The following C6orf89 variants were observed in gnomAD, a reference collection of about 807,000 sequenced individuals.
C6orf89 encodes chromosome 6 open reading frame 89, also known as bombesin receptor-activated protein C6orf89.
C6orf89 carries 29 observed loss-of-function variants against 40.7 expected under a neutral mutation model. The observed-to-expected ratio is 0.71, with a 90% CI of 0.53 to 0.97. C6orf89 has a LOEUF of 0.97. Among genes scored for constraint, C6orf89 ranks in the 50% least tolerant of loss-of-function variants. The probability of loss-of-function intolerance (pLI) is 0.00; values close to 1 mark genes in which losing one functional copy is unlikely to be tolerated. For missense variants in C6orf89, 392 were observed against 429.1 expected (o/e 0.91, Z 0.76); for synonymous variants, 165 against 152.2 (o/e 1.08, Z -0.62).
intron 4 of C6orf89, among the ~76,000 whole-genome samples, chr6:36,905,386 T>G (rs1417868980): frequency 6.6e-6 from 1 of 152,142 alleles, no homozygotes. Context: ...GATGTTGGAG[T>G]TCTACCACTG....
At chr6:36,907,622 T>C (rs1010708017) in intron 4 of C6orf89, among the ~76,000 whole-genome samples, 6 of 152,228 alleles carry the variant, frequency 3.9e-5, no homozygotes, top group Non-Finnish European at 8.8e-5. Flanking sequence ...ATACAAGTTA[T>C]AAGCTTTATT....
At chr6:36,878,391 A>C (rs1216236018) in intron 1 of C6orf89, among the ~76,000 whole-genome samples, 1 of 152,256 alleles carries the variant, frequency 6.6e-6, no homozygotes, top group East Asian at 1.9e-4. Context: ...CGCTACACAC[A>C]GGGCAGGTTA....
intron 1 of C6orf89, chr6:36,874,890 G>T: frequency 8.3e-7 from 1 of 1,206,284 alleles, no homozygotes; most frequent in South Asian, 1.3e-5. Context: ...CCAGGATTTG[G>T]GTGGCCAAGA....
intron 4 of C6orf89, among the ~76,000 whole-genome samples, chr6:36,912,377 C>T (rs1439532144): frequency 6.6e-6 from 1 of 152,212 alleles, no homozygotes; most frequent in African/African-American, 2.4e-5. Context: ...CATTAGCTTG[C>T]TTTCTCCTTC....
chr6:36,901,782 GGCCT>G (rs1484021254), intron 3 of C6orf89, among the ~76,000 whole-genome samples: 2 of 149,772 alleles, frequency 1.3e-5, no homozygotes, highest in Non-Finnish European at 3.0e-5. Context: ...GCCATTCTCC[GGCCT>G]CAGCCTCCCA....
At chr6:36,887,153 C>T (rs1480171352) in intron 1 of C6orf89, among the ~76,000 whole-genome samples, 2 of 150,758 alleles carry the variant, frequency 1.3e-5, no homozygotes, top group Admixed American at 6.6e-5. Context: ...CTCACACTGT[C>T]GCCCAGGCTG....
At chr6:36,900,090 T>G (rs1306674550) in intron 3 of C6orf89, among the ~76,000 whole-genome samples, 1 of 152,116 alleles carries the variant, frequency 6.6e-6, no homozygotes. Context: ...TTTCTCCATG[T>G]TGGTCAGGCT....
In C6orf89 at chr6:36,924,495, G is replaced by A. The variant is rs1241022246; in HGVS notation, c.*1054G>A. The A allele has an allele frequency of 2.6e-5, 4 of 152,208 alleles. No homozygotes were observed. The highest frequency in any genetic ancestry group is 2.1e-4 in the South Asian group (1 of 4,832). 9.4% of individuals were successfully genotyped at this position (152,208 alleles called of 1,614,324 possible). A position where few individuals can be genotyped will look rare whatever the true frequency, so the allele number is the denominator to read the frequency against. ...TTAAAATGATTTCTGTCTGTGCTGC[G>A]AAACAAAGACAAGGTGAGGTGTTTT... is the stretch of plus-strand genomic sequence containing the variant. On this transcript the variant is annotated 3_prime_UTR_variant, in exon 9 of 9. Coordinates refer to ENST00000480824, the MANE Select transcript of C6orf89 (RefSeq NM_001286635.2).
intron 1 of C6orf89, among the ~76,000 whole-genome samples, chr6:36,873,845 G>A (rs138788724): frequency 0.015 from 2,237 of 152,202 alleles, 24 homozygotes; most frequent in Middle Eastern, 0.075. Context: ...GTAGACAAGG[G>A]CCAGATGAAA....
chr6:36,914,337 C>T lies in C6orf89; in HGVS notation c.457C>T (p.Pro153Ser). The stretch of plus-strand genomic sequence containing the variant: ...TGAGCAGAATGAGTCAGAGCCCATT[C>T]CTGCCAACTGCACTGGCTGTGCCCA... Reference protein sequence around the residue: ...DCEQNESEPIPANCTGCAQKH... With the variant: ...DCEQNESEPISANCTGCAQKH... Residue 153 changes from proline (P) to serine (S), a missense_variant, in exon 5 of 9, where the codon CCT becomes TCT. Physicochemically the swap from Pro to Ser is moderately conservative, Grantham distance 74. Transcript: ENST00000480824. 1 of 1,614,208 alleles carries T rather than the reference C, an allele frequency of 6.2e-7. No homozygotes were observed. Among genetic ancestry groups the T allele is most frequent in the Non-Finnish European group, 8.5e-7 (1 of 1,180,034 alleles).
chr6:36,882,971 C>T (rs914499845), upstream of C6orf89, among the ~76,000 whole-genome samples: 1 of 151,828 alleles, frequency 6.6e-6, no homozygotes, highest in Admixed American at 6.6e-5. Context: ...GATCTCCTGA[C>T]CTCATGATCC....
chr6:36,898,283 C>CT lies in C6orf89; in HGVS notation c.-19-1130dup, dbSNP rs1199985589. ...ATTTGTTTTTCTTTTCTTTTCTTTT[C>CT]TTTTTTTTTTTTTGAGATGGAGTTT... On this transcript the variant is annotated intron_variant, in intron 2 of 8. Transcript: ENST00000480824. 7.1e-4 allele frequency among the ~76,000 whole-genome samples: 67 copies of CT among 93,842 alleles called. 1 individual carries two copies. Among genetic ancestry groups the CT allele is most frequent in the Admixed American group, 1.5e-3 (14 of 9,088 alleles). The allele number at this position is 93,842 out of a possible 152,430, so 61.6% of individuals were successfully genotyped here.
At chr6:36,908,569 CA>C (rs1762010025) in intron 4 of C6orf89, among the ~76,000 whole-genome samples, 1 of 152,090 alleles carries the variant, frequency 6.6e-6, no homozygotes, top group Admixed American at 6.5e-5. Context: ...CATGTCTATA[CA>C]AATAGATATA....
intron 1 of C6orf89, among the ~76,000 whole-genome samples, chr6:36,888,673 T>C (rs1775083892): frequency 6.6e-6 from 1 of 151,890 alleles, no homozygotes; most frequent in African/African-American, 2.4e-5. Flanking sequence ...AGAGAATGGA[T>C]TGGGGAAGAG....
At chr6:36,902,530 G>A (rs1761763333) in intron 4 of C6orf89, 96 bp downstream of exon 4, 10 of 1,062,602 alleles carry the variant, frequency 9.4e-6, no homozygotes, top group African/African-American at 1.6e-5. Flanking sequence ...TGAGAGGCAA[G>A]CTCCCTATAT....
At chr6:36,886,542 G>A (rs1434164341) in intron 1 of C6orf89, among the ~76,000 whole-genome samples, 1 of 152,158 alleles carries the variant, frequency 6.6e-6, no homozygotes. Flanking sequence ...TAAAATAGTT[G>A]TTTGTAATCA....
chr6:36,923,736 G>T lies in C6orf89; in HGVS notation c.*295G>T. The stretch of plus-strand genomic sequence containing the variant: ...CTTTGGACACTATGACCTTGATGCT[G>T]CCCTTCAGGCAGGAAACAGGGCTGG... On this transcript the variant is annotated 3_prime_UTR_variant, in exon 9 of 9. Coordinates refer to ENST00000480824, the MANE Select transcript of C6orf89 (RefSeq NM_001286635.2). 2.6e-6 allele frequency: 1 copy of T among 390,932 alleles called. No individual in the cohort carries two copies. The highest frequency in any genetic ancestry group is 2.1e-5 in the South Asian group (1 of 47,850). The allele number at this position is 390,932 out of a possible 1,614,324, so 24.2% of individuals were successfully genotyped here. A position where few individuals can be genotyped will look rare whatever the true frequency, so the allele number is the denominator to read the frequency against.
At chr6:36,908,947 T>G (rs754383736) in intron 4 of C6orf89, among the ~76,000 whole-genome samples, 25 of 152,210 alleles carry the variant, frequency 1.6e-4, no homozygotes, top group Admixed American at 2.6e-4. Flanking sequence ...GTCTTCTGTC[T>G]TCTTCTAAGG....
intron 6 of C6orf89, 33 bp from the exon 7 acceptor site, chr6:36,916,412 T>G: frequency 1.2e-6 from 2 of 1,612,704 alleles, no homozygotes; most frequent in East Asian, 4.5e-5. Flanking sequence ...TTGACCAGTT[T>G]AATTACTTTT....
Sources: gnomAD v4.1 joint callset for allele counts (sites outside exome capture counted in the v4.1 genomes callset) on GRCh38, gnomAD v4.1.1 for gene constraint, MANE v1.5 for transcripts, NCBI Gene and HGNC (gene_info 2026-07-23, HGNC 2026-07-21) for gene names.